DCC: variants seen among roughly 807,000 people sequenced by gnomAD.
DCC encodes DCC netrin 1 receptor, also known as netrin receptor DCC.
DCC carries 58 observed loss-of-function variants against 172.5 expected under a neutral mutation model. The observed-to-expected ratio is 0.34, with a 90% CI of 0.27 to 0.42. The LOEUF (loss-of-function observed/expected upper bound fraction) is 0.42. Among genes scored for constraint, DCC ranks in the 10% least tolerant of loss-of-function variants. The pLI is 1.00. For missense variants in DCC, 1,740 were observed against 1,791.0 expected (o/e 0.97, Z 0.51); for synonymous variants, 709 against 644.5 (o/e 1.10, Z -1.52).
intron 12 of DCC, among the ~76,000 whole-genome samples, chr18:53,293,438 T>A (rs2057028323): frequency 6.6e-6 from 1 of 152,218 alleles, no homozygotes; most frequent in African/African-American, 2.4e-5. Flanking sequence ...ATTTAACATT[T>A]GGAGTTAAAT....
At chr18:53,337,859 T>C (rs894073428) in intron 14 of DCC, among the ~76,000 whole-genome samples, 1 of 151,886 alleles carries the variant, frequency 6.6e-6, no homozygotes, top group African/African-American at 2.4e-5. Flanking sequence ...AGGAGAAAAA[T>C]GTAATATTAC....
chr18:53,461,285 ATTAGATCCCATTTGTCAATT>A (rs2045556196), intron 24 of DCC, among the ~76,000 whole-genome samples: 1 of 151,314 alleles, frequency 6.6e-6, no homozygotes, highest in Non-Finnish European at 1.5e-5. Flanking sequence ...CTTTAGTTTA[ATTAGATCCCATTTGTCAATT>A]TTGTCTTTTG....
At position 53,493,421 on chromosome 18, in the gene DCC, G is replaced by T. The variant is rs1006645408; in HGVS notation, c.3899-5877G>T. ...TCTTGTGCCAGTTTTCAAAGGGAATGCTTCCAGTTTTTGCCCATTCAGTAT... is the reference window on the plus strand; with the variant it reads ...TCTTGTGCCAGTTTTCAAAGGGAATTCTTCCAGTTTTTGCCCATTCAGTAT... On this transcript the variant is annotated intron_variant, in intron 26 of 28. Coordinates refer to ENST00000442544, the MANE Select transcript of DCC (RefSeq NM_005215.4). 4.6e-5 allele frequency among the ~76,000 whole-genome samples: 7 copies of T among 152,168 alleles called. No individual in the cohort carries two copies. In the East Asian group the frequency reaches 1.3e-3, roughly 29 times the overall value.
intron 2 of DCC, among the ~76,000 whole-genome samples, chr18:52,776,807 T>C (rs1320678057): frequency 6.6e-6 from 1 of 152,238 alleles, no homozygotes; most frequent in African/African-American, 2.4e-5. Flanking sequence ...TGAGAAAAGT[T>C]TTCTGCAAAC....
chr18:53,272,993 G>A (rs573472989), intron 12 of DCC, among the ~76,000 whole-genome samples: 7 of 152,240 alleles, frequency 4.6e-5, no homozygotes, highest in African/African-American at 1.7e-4. Context: ...TTATTGGCTG[G>A]ATATGAACCT....
chr18:52,989,013 A>G (rs1381800287), intron 5 of DCC, among the ~76,000 whole-genome samples: 2 of 152,090 alleles, frequency 1.3e-5, no homozygotes, highest in Non-Finnish European at 2.9e-5. Context: ...CAAAAGATAC[A>G]TAACAGAGAA....
At chr18:53,387,598 C>T (rs1908250765) in intron 16 of DCC, among the ~76,000 whole-genome samples, 1 of 152,158 alleles carries the variant, frequency 6.6e-6, no homozygotes, top group South Asian at 2.1e-4. Flanking sequence ...GTTTGGGTTA[C>T]AAACTAAGAG....
intron 1 of DCC, among the ~76,000 whole-genome samples, chr18:52,597,402 G>A (rs948029538): frequency 6.6e-6 from 1 of 152,144 alleles, no homozygotes; most frequent in Non-Finnish European, 1.5e-5. Context: ...GAATATTGTT[G>A]CAGCCCTGTC....
intron 7 of DCC, among the ~76,000 whole-genome samples, chr18:53,105,769 G>A (rs2043236406): frequency 6.6e-6 from 1 of 151,604 alleles, no homozygotes; most frequent in Non-Finnish European, 1.5e-5. Context: ...TGCATTTTTT[G>A]CAGCGAATAG....
rs201060495 is a variant in DCC, at chr18:52,766,842, A to AT, written c.412+14472dup. Among the ~76,000 whole-genome samples, 489 of 151,900 alleles carry AT rather than the reference A, an allele frequency of 3.2e-3. 2 individuals are homozygous for AT. Among genetic ancestry groups the AT allele is most frequent in the African/African-American group, 0.011 (465 of 41,404 alleles). ...TCAGGCTTTTTAGCTTGAGGGTGAG[A>AT]TTTTGTCAGGGACCGACCCTTTTCT... is the stretch of plus-strand genomic sequence containing the variant. On this transcript the variant is annotated intron_variant, in intron 2 of 28. Transcript: ENST00000442544.
chr18:52,959,077 C>T (rs1335355839), intron 5 of DCC, among the ~76,000 whole-genome samples: 1 of 152,082 alleles, frequency 6.6e-6, no homozygotes, highest in Non-Finnish European at 1.5e-5. Flanking sequence ...AGCCAAAGGA[C>T]TGGACACCTC....
chr18:53,463,334 A>G (rs1056459567), intron 24 of DCC, among the ~76,000 whole-genome samples: 6 of 152,198 alleles, frequency 3.9e-5, no homozygotes, highest in African/African-American at 1.4e-4. Flanking sequence ...ATAAAAGAGT[A>G]CTTATGCCTA....
At chr18:52,922,391 T>C (rs12966311) in intron 3 of DCC, among the ~76,000 whole-genome samples, 55,289 of 151,988 alleles carry the variant, frequency 0.36, 10,609 homozygotes, top group South Asian at 0.52. Context: ...ATGTCAAATA[T>C]GTCCTATGTC....
intron 13 of DCC, among the ~76,000 whole-genome samples, chr18:53,315,947 G>A (rs2057339078): frequency 1.3e-5 from 2 of 151,984 alleles, no homozygotes; most frequent in South Asian, 4.2e-4. Flanking sequence ...ACTTTCTTTT[G>A]CTGTGCAGAA....
chr18:53,025,795 T>TACACACACACACACACACACACAC (rs34351949), intron 5 of DCC, among the ~76,000 whole-genome samples: 1 of 141,510 alleles, frequency 7.1e-6, no homozygotes, highest in African/African-American at 2.6e-5. Flanking sequence ...AAAACTATGA[T>TACACACACACACACACACACACAC]ACACACACAC....
chr18:53,259,366 G>A (rs1451113203), intron 12 of DCC, among the ~76,000 whole-genome samples: 1 of 152,180 alleles, frequency 6.6e-6, no homozygotes, highest in African/African-American at 2.4e-5. Flanking sequence ...TCCTTTCCAT[G>A]TTTAGTGCTT....
At chr18:53,271,298 C>A (rs1446315773) in intron 12 of DCC, among the ~76,000 whole-genome samples, 1 of 152,064 alleles carries the variant, frequency 6.6e-6, no homozygotes, top group Non-Finnish European at 1.5e-5. Context: ...GTGGAGGAAG[C>A]AATATGTAAT....
intron 1 of DCC, among the ~76,000 whole-genome samples, chr18:52,563,556 A>G (rs966825598): frequency 2.0e-5 from 3 of 152,160 alleles, no homozygotes; most frequent in Non-Finnish European, 4.4e-5. Context: ...AAGTTTTGGA[A>G]TCTTTCAGGA....
At chr18:52,364,314 A>C (rs1282606561) in intron 1 of DCC, among the ~76,000 whole-genome samples, 1 of 152,208 alleles carries the variant, frequency 6.6e-6, no homozygotes, top group East Asian at 1.9e-4. Context: ...AAATATGTTC[A>C]ATGAGGAAAG....
Sources: allele counts gnomAD v4.1 joint callset (sites outside exome capture counted in the v4.1 genomes callset), GRCh38; gene constraint gnomAD v4.1.1; transcripts MANE v1.5; gene names NCBI Gene and HGNC (gene_info 2026-07-23, HGNC 2026-07-21).